SETBP1: variants seen among roughly 807,000 people sequenced by gnomAD.
SETBP1 encodes SET-binding protein.
Under a neutral mutation model 101.0 loss-of-function variants are expected in SETBP1, and 9 were observed. That is an observed-to-expected ratio of 0.09 (90% CI 0.05 to 0.16). The LOEUF (loss-of-function observed/expected upper bound fraction) is 0.16. SETBP1 is among the 10% of genes least tolerant of loss of function. The pLI, the probability that SETBP1 is intolerant of heterozygous loss-of-function variation, is 1.00. For missense variants in SETBP1, 1,858 were observed against 2,033.8 expected (o/e 0.91, Z 1.66); for synonymous variants, 818 against 788.5 (o/e 1.04, Z -0.63).
At chr18:44,917,439 C>T (rs2070455921) in intron 3 of SETBP1, among the ~76,000 whole-genome samples, 1 of 152,122 alleles carries the variant, frequency 6.6e-6, no homozygotes, top group African/African-American at 2.4e-5. Flanking sequence ...GTTTATGCTC[C>T]AGCTGTGATT....
At chr18:45,040,367 T>C (rs1048521316) in intron 5 of SETBP1, among the ~76,000 whole-genome samples, 1 of 152,154 alleles carries the variant, frequency 6.6e-6, no homozygotes, top group Non-Finnish European at 1.5e-5. Context: ...AGGGATCAAG[T>C]TGGGCAGAGT....
intron 2 of SETBP1, among the ~76,000 whole-genome samples, chr18:44,831,028 G>A (rs2144454687): frequency 6.6e-6 from 1 of 152,322 alleles, no homozygotes; most frequent in South Asian, 2.1e-4. Flanking sequence ...TTCCCAGAGT[G>A]CTGAAGGCCT....
intron 2 of SETBP1, among the ~76,000 whole-genome samples, chr18:44,823,216 A>T (rs2072156268): frequency 6.6e-6 from 1 of 152,250 alleles, no homozygotes; most frequent in African/African-American, 2.4e-5. Context: ...CAAAATATCC[A>T]GCAGAGTCAA....
chr18:45,004,204 C>T (rs1351952591), intron 4 of SETBP1, among the ~76,000 whole-genome samples: 3 of 152,196 alleles, frequency 2.0e-5, no homozygotes, highest in African/African-American at 7.2e-5. Context: ...AAAATATATG[C>T]ACTTCTGCCT....
chr18:45,028,994 G>A lies in SETBP1; in HGVS notation c.4001-9491G>A, dbSNP rs2073232166. On this transcript the variant is annotated intron_variant, in intron 4 of 5. Transcript: ENST00000649279. ...CACTCTGCTAGTAGTTTCTTCTGCTGTGCAAAAGCTCTTTAGTTTAATTAG... is the reference window on the plus strand; with the variant it reads ...CACTCTGCTAGTAGTTTCTTCTGCTATGCAAAAGCTCTTTAGTTTAATTAG... Among the ~76,000 whole-genome samples, 5 of 152,164 alleles carry A rather than the reference G, an allele frequency of 3.3e-5. No individual in the cohort carries two copies. In the South Asian group the frequency reaches 1.0e-3, roughly 32 times the overall value.
At chr18:44,682,006 G>A (rs2068767569) in intron 1 of SETBP1, among the ~76,000 whole-genome samples, 1 of 152,096 alleles carries the variant, frequency 6.6e-6, no homozygotes, top group African/African-American at 2.4e-5. Flanking sequence ...TTTAGTTGGA[G>A]TCCACTGGCG....
chr18:44,842,947 G>A (rs1258183794), intron 2 of SETBP1, among the ~76,000 whole-genome samples: 1 of 152,216 alleles, frequency 6.6e-6, no homozygotes, highest in Non-Finnish European at 1.5e-5. Context: ...CAGAGCCATG[G>A]GGGGACTCCT....
intron 2 of SETBP1, among the ~76,000 whole-genome samples, chr18:44,704,725 G>T (rs1018805114): frequency 6.6e-6 from 1 of 152,236 alleles, no homozygotes; most frequent in African/African-American, 2.4e-5. Context: ...GTGTGGAAAA[G>T]TTTAGTGGCA....
At chr18:44,891,045 G>A (rs113077164) in intron 3 of SETBP1, among the ~76,000 whole-genome samples, 6,694 of 152,186 alleles carry the variant, frequency 0.044, 509 homozygotes, top group African/African-American at 0.15. Flanking sequence ...ACAGTTCCAC[G>A]TGGCTGAGGA....
chr18:44,876,104 C>A (rs2069396619), intron 3 of SETBP1, among the ~76,000 whole-genome samples: 3 of 152,174 alleles, frequency 2.0e-5, no homozygotes, highest in Admixed American at 2.0e-4. Flanking sequence ...CAAATAGTTT[C>A]TTATTGTTCT....
At chr18:44,775,109 C>A (rs1176024829) in intron 2 of SETBP1, among the ~76,000 whole-genome samples, 1 of 152,130 alleles carries the variant, frequency 6.6e-6, no homozygotes, top group Non-Finnish European at 1.5e-5. Context: ...CACCAGAAAT[C>A]AAAACCTTTA....
chr18:44,983,488 A>G (rs2072160073), intron 4 of SETBP1, among the ~76,000 whole-genome samples: 1 of 152,206 alleles, frequency 6.6e-6, no homozygotes, highest in Admixed American at 6.5e-5. Flanking sequence ...TAGAGCCCAC[A>G]TGGAGTAGAG....
rs140519966 is a variant in SETBP1 at position 45,051,317 on chromosome 18, T to C, written c.4172-11762T>C. Among the ~76,000 whole-genome samples the C allele has an allele frequency of 7.8e-3, 1,180 of 152,230 alleles. 13 individuals are homozygous for C. The highest frequency in any genetic ancestry group is 0.027 in the African/African-American group (1,107 of 41,540). On this transcript the variant is annotated intron_variant, in intron 5 of 5. Transcript: ENST00000649279. Reference sequence around the variant, plus strand: ...GTCTTGAGTCTGTTCAAGCTTATACTTGAAAAAAAGAAAAAGTTAAAGCAA... The same window carrying C: ...GTCTTGAGTCTGTTCAAGCTTATACCTGAAAAAAAGAAAAAGTTAAAGCAA...
intron 3 of SETBP1, among the ~76,000 whole-genome samples, chr18:44,909,198 C>T (rs1227790395): frequency 6.6e-6 from 1 of 152,216 alleles, no homozygotes; most frequent in African/African-American, 2.4e-5. Flanking sequence ...AAATGGGGAA[C>T]TTCTTTAACT....
intron 2 of SETBP1, among the ~76,000 whole-genome samples, chr18:44,788,625 T>C (rs987432448): frequency 3.3e-5 from 5 of 152,118 alleles, no homozygotes; most frequent in African/African-American, 9.7e-5. Context: ...GTTTATTCTG[T>C]TACAAACACT....
intron 2 of SETBP1, among the ~76,000 whole-genome samples, chr18:44,859,763 G>A (rs1041559522): frequency 1.3e-5 from 2 of 152,126 alleles, no homozygotes; most frequent in Admixed American, 6.6e-5. Flanking sequence ...AGTTCAAGGT[G>A]GGCTTTCTGG....
At position 44,848,465 on chromosome 18, in the gene SETBP1, T is replaced by C. The variant is rs189633238; in HGVS notation, c.487-20765T>C. 2.1e-4 allele frequency among the ~76,000 whole-genome samples: 32 copies of C among 152,220 alleles called. 1 individual carries two copies. Among genetic ancestry groups the C allele is most frequent in the Admixed American group, 1.7e-3 (26 of 15,294 alleles). On this transcript the variant is annotated intron_variant, in intron 2 of 5. Coordinates refer to ENST00000649279, the MANE Select transcript of SETBP1 (RefSeq NM_015559.3). ...TGGAAATACACATGGCTAAGCCATG[T>C]TGGGTTATATGTGTTGAGAAGAGAC...
At chr18:44,967,891 A>T (rs936146187) in intron 4 of SETBP1, among the ~76,000 whole-genome samples, 1 of 152,154 alleles carries the variant, frequency 6.6e-6, no homozygotes, top group Non-Finnish European at 1.5e-5. Flanking sequence ...TCTCTCTCTC[A>T]GAACACCTTG....
intron 1 of SETBP1, among the ~76,000 whole-genome samples, chr18:44,699,784 G>A (rs893596890): frequency 4.6e-5 from 7 of 152,226 alleles, no homozygotes; most frequent in Non-Finnish European, 7.3e-5. Flanking sequence ...CCGTGTTGGA[G>A]CCGGGGCTGC....
Sources: allele counts gnomAD v4.1 joint callset (sites outside exome capture counted in the v4.1 genomes callset), GRCh38; gene constraint gnomAD v4.1.1; transcripts MANE v1.5; gene names NCBI Gene and HGNC (gene_info 2026-07-23, HGNC 2026-07-21).